The following RAPGEF5 variants were observed in gnomAD, a reference collection of about 807,000 sequenced individuals.
RAPGEF5 encodes the protein Rap guanine nucleotide exchange factor 5.
A neutral mutation model predicts 125.2 loss-of-function variants in RAPGEF5; 65 were observed. That is an observed-to-expected ratio of 0.52 (90% CI 0.43 to 0.64). The LOEUF is 0.64. RAPGEF5 is among the 30% of genes least tolerant of loss of function. The probability of loss-of-function intolerance (pLI) is 0.00; values close to 1 mark genes in which losing one functional copy is unlikely to be tolerated. For synonymous variants in RAPGEF5, 391 were observed against 385.9 expected, an observed-to-expected ratio of 1.01 and a Z score of -0.16; for missense variants, 958 against 1,048.1, an observed-to-expected ratio of 0.91 and a Z score of 1.19.
At chr7:22,323,902 A>G (rs1783763346) in intron 1 of RAPGEF5, among the ~76,000 whole-genome samples, 1 of 152,218 alleles carries the variant, frequency 6.6e-6, no homozygotes, top group African/African-American at 2.4e-5. Context: ...ATGCAGTAAA[A>G]AGAAGAAAAC....
At chr7:22,211,591 T>C (rs2128130551) in intron 9 of RAPGEF5, among the ~76,000 whole-genome samples, 2 of 152,320 alleles carry the variant, frequency 1.3e-5, no homozygotes, top group South Asian at 4.1e-4. Context: ...GCATGTATGC[T>C]GGTTACTACT....
intron 9 of RAPGEF5, among the ~76,000 whole-genome samples, chr7:22,211,428 GGACT>G (rs1168890612): frequency 6.6e-6 from 1 of 152,142 alleles, no homozygotes; most frequent in African/African-American, 2.4e-5. Flanking sequence ...TACAAAAACA[GGACT>G]GACTCCAAGC....
At chr7:22,345,265 A>G (rs1238262134) in intron 1 of RAPGEF5, among the ~76,000 whole-genome samples, 2 of 152,184 alleles carry the variant, frequency 1.3e-5, no homozygotes, top group African/African-American at 4.8e-5. Flanking sequence ...GCAGGATACC[A>G]ATTGTGGAGC....
At chr7:22,329,205 C>T (rs543129973) in intron 1 of RAPGEF5, among the ~76,000 whole-genome samples, 1 of 152,308 alleles carries the variant, frequency 6.6e-6, no homozygotes, top group African/African-American at 2.4e-5. Context: ...AATTAGGTAG[C>T]AAACTTAATT....
intron 7 of RAPGEF5, among the ~76,000 whole-genome samples, chr7:22,244,365 A>G (rs1048275704): frequency 6.6e-6 from 1 of 152,174 alleles, no homozygotes; most frequent in African/African-American, 2.4e-5. Flanking sequence ...GAACCAGGCC[A>G]CACAGCAGGA....
At chr7:22,199,144 G>T (rs1230134406) in intron 9 of RAPGEF5, among the ~76,000 whole-genome samples, 1 of 152,100 alleles carries the variant, frequency 6.6e-6, no homozygotes, top group Non-Finnish European at 1.5e-5. Flanking sequence ...GTCTGGTTTG[G>T]GAAAGCCATA....
intron 10 of RAPGEF5, 38 bp from the exon 11 acceptor site, chr7:22,193,493 T>G (rs1785061890): frequency 2.6e-6 from 4 of 1,564,870 alleles, no homozygotes; most frequent in Non-Finnish European, 3.5e-6. Context: ...TCATCCTCGG[T>G]GGAAGACTGC....
At chr7:22,166,674 T>C (rs1266738196) in intron 12 of RAPGEF5, among the ~76,000 whole-genome samples, 2 of 152,196 alleles carry the variant, frequency 1.3e-5, no homozygotes, top group Non-Finnish European at 2.9e-5. Context: ...ATATGTGCAT[T>C]TTCCTTCACA....
intron 18 of RAPGEF5, among the ~76,000 whole-genome samples, chr7:22,148,007 C>T (rs1783499155): frequency 1.3e-5 from 2 of 152,186 alleles, no homozygotes; most frequent in Admixed American, 6.5e-5. Context: ...CTTCACAGAG[C>T]TTTCCCACAG....
chr7:22,273,618 A>G (rs17146497), intron 6 of RAPGEF5, among the ~76,000 whole-genome samples: 36,198 of 152,152 alleles, frequency 0.24, 5,035 homozygotes, highest in African/African-American at 0.39. Flanking sequence ...TTAAAGACTA[A>G]TATATGTAGA....
At chr7:22,235,470 GTT>G (rs1283307225) in intron 7 of RAPGEF5, among the ~76,000 whole-genome samples, 1 of 152,196 alleles carries the variant, frequency 6.6e-6, no homozygotes, top group Non-Finnish European at 1.5e-5. Flanking sequence ...CCTGACCAGG[GTT>G]TCTTTTCCCT....
In RAPGEF5 at chr7:22,238,410, G is replaced by C. The variant is rs577219313; in HGVS notation, c.797-7491C>G. Among the ~76,000 whole-genome samples the C allele has an allele frequency of 2.6e-5, 4 of 152,224 alleles. No individual in the cohort carries two copies. In the South Asian group the frequency reaches 8.3e-4, roughly 32 times the overall value. ...CTCATAATTTTTCCAACACACTAAG[G>C]AGAGAGGTAAAGCACATACATGGAT... On this transcript the variant is annotated intron_variant, in intron 7 of 25. Coordinates refer to ENST00000665637, the MANE Select transcript of RAPGEF5 (RefSeq NM_012294.5).
intron 7 of RAPGEF5, among the ~76,000 whole-genome samples, chr7:22,239,158 G>A (rs772427783): frequency 6.6e-5 from 10 of 152,072 alleles, no homozygotes; most frequent in East Asian, 1.9e-4. Flanking sequence ...CTATGGAGAT[G>A]TGCCCAGGTG....
At chr7:22,339,456 G>A (rs1226484131) in intron 1 of RAPGEF5, among the ~76,000 whole-genome samples, 1 of 152,168 alleles carries the variant, frequency 6.6e-6, no homozygotes, top group East Asian at 1.9e-4. Flanking sequence ...AAAGTGTTGT[G>A]TTAAACTACG....
intron 11 of RAPGEF5, among the ~76,000 whole-genome samples, chr7:22,173,633 A>T (rs1784417050): frequency 6.6e-6 from 1 of 152,230 alleles, no homozygotes; most frequent in Non-Finnish European, 1.5e-5. Context: ...GAATCCTGTC[A>T]TTCCGTCTTC....
At chr7:22,151,487 A>G (rs1783626862) in intron 17 of RAPGEF5, among the ~76,000 whole-genome samples, 1 of 130,832 alleles carries the variant, frequency 7.6e-6, no homozygotes. Flanking sequence ...TTTGAGACAG[A>G]GTTGCACTCT....
At chr7:22,191,997 A>AT (rs1319006032) in intron 11 of RAPGEF5, among the ~76,000 whole-genome samples, 2 of 152,190 alleles carry the variant, frequency 1.3e-5, no homozygotes, top group African/African-American at 4.8e-5. Flanking sequence ...ATGACAGATA[A>AT]TTTGTCTGTA....
At chr7:22,270,471 T>A (rs1357836481) in intron 6 of RAPGEF5, among the ~76,000 whole-genome samples, 1 of 152,272 alleles carries the variant, frequency 6.6e-6, no homozygotes, top group Non-Finnish European at 1.5e-5. Flanking sequence ...TTGGCTAACC[T>A]GAGTTCCTCT....
intron 6 of RAPGEF5, among the ~76,000 whole-genome samples, chr7:22,280,625 AT>A (rs1488269124): frequency 8.6e-5 from 13 of 151,976 alleles, no homozygotes; most frequent in Non-Finnish European, 1.6e-4. Flanking sequence ...AAAAGGGTAA[AT>A]TTTTTCCTGC....
Sources: allele counts gnomAD v4.1 joint callset (sites outside exome capture counted in the v4.1 genomes callset), GRCh38; gene constraint gnomAD v4.1.1; transcripts MANE v1.5; gene names NCBI Gene and HGNC (gene_info 2026-07-23, HGNC 2026-07-21).